The following ZCCHC14 variants were observed in gnomAD, a reference collection of about 807,000 sequenced individuals.
ZCCHC14 encodes the protein zinc finger CCHC-type containing 14, also known as zinc finger CCHC domain-containing protein 14.
ZCCHC14 carries 16 observed loss-of-function variants against 85.0 expected under a neutral mutation model. The observed-to-expected ratio is 0.19, with a 90% CI of 0.13 to 0.29. ZCCHC14 has a LOEUF of 0.29. Among genes scored for constraint, ZCCHC14 ranks in the 10% least tolerant of loss-of-function variants. The probability of loss-of-function intolerance (pLI) is 1.00; values close to 1 mark genes in which losing one functional copy is unlikely to be tolerated. For missense variants in ZCCHC14, 1,303 were observed against 1,443.5 expected (o/e 0.90, Z 1.58); for synonymous variants, 775 against 630.7 (o/e 1.23, Z -3.43).
intron 2 of ZCCHC14, among the ~76,000 whole-genome samples, chr16:87,453,772 C>T (rs1275607386): frequency 6.6e-6 from 1 of 152,220 alleles, no homozygotes; most frequent in Non-Finnish European, 1.5e-5. Context: ...TAGAATTAGA[C>T]ATTCATAAAA....
intron 1 of ZCCHC14, among the ~76,000 whole-genome samples, chr16:87,486,531 T>A (rs1912519244): frequency 1.3e-5 from 2 of 152,234 alleles, no homozygotes; most frequent in African/African-American, 4.8e-5. Flanking sequence ...CAAGATCAGC[T>A]GAGGACGCTT....
chr16:87,464,523 G>A (rs1303425571), intron 1 of ZCCHC14, among the ~76,000 whole-genome samples: 1 of 152,184 alleles, frequency 6.6e-6, no homozygotes, highest in African/African-American at 2.4e-5. Flanking sequence ...GCTAAAGGCT[G>A]TAGGTCCGTC....
intron 1 of ZCCHC14, among the ~76,000 whole-genome samples, chr16:87,484,370 T>C (rs113689807): frequency 0.016 from 2,460 of 152,274 alleles, 30 homozygotes; most frequent in Non-Finnish European, 0.025. Context: ...ACTGAAGAGA[T>C]TGCTGAATAC....
Position 87,492,807 on chromosome 16 carries a change from A to C in ZCCHC14, c.-569T>G, listed in dbSNP as rs1329527983. On this transcript the variant is annotated 5_prime_UTR_variant, in exon 1 of 13. Transcript: ENST00000671377. The surrounding 1 kb of genome is among the most constrained non-coding windows in gnomAD (Gnocchi z 6.7). Reference sequence around the variant, plus strand: ...GCTGGGGGCCGCGGCCGCGAAACGGACGCTGGAGGGGGAGGGACGCGCGGC... The same window carrying C: ...GCTGGGGGCCGCGGCCGCGAAACGGCCGCTGGAGGGGGAGGGACGCGCGGC... The C allele has an allele frequency of 6.8e-6, 1 of 146,696 alleles. No homozygotes were observed. The highest frequency in any genetic ancestry group is 1.5e-5 in the Non-Finnish European group (1 of 65,938). The allele number at this position is 146,696 out of a possible 1,614,324, so 9.1% of individuals were successfully genotyped here.
intron 1 of ZCCHC14, among the ~76,000 whole-genome samples, chr16:87,462,110 T>A (rs1195043950): frequency 9.6e-5 from 10 of 104,550 alleles, no homozygotes; most frequent in Admixed American, 9.3e-5. Context: ...TATTTAAATT[T>A]CTAAAAAAGT....
At position 87,424,914 on chromosome 16, in the gene ZCCHC14, A is replaced by G. The variant is rs911641754; in HGVS notation, c.769-1033T>C. Among the ~76,000 whole-genome samples, 6 of 152,236 alleles carry G rather than the reference A, an allele frequency of 3.9e-5. No individual in the cohort carries two copies. The East Asian group carries it at 9.7e-4, about 25-fold the overall frequency. On this transcript the variant is annotated intron_variant, in intron 3 of 12. Transcript: ENST00000671377. ...TTTCAAGTCGGCAAATAAAATGACC[A>G]AATACATTATGCAAAAGAAAACGCT...
intron 1 of ZCCHC14, chr16:87,474,103 C>G (rs550474728): frequency 9.2e-5 from 14 of 152,464 alleles, no homozygotes; most frequent in Non-Finnish European, 1.6e-4. Context: ...GCAGCTATGA[C>G]CAGACCCTCA....
intron 3 of ZCCHC14, among the ~76,000 whole-genome samples, chr16:87,425,458 C>T (rs966030469): frequency 1.3e-5 from 2 of 152,162 alleles, no homozygotes; most frequent in African/African-American, 4.8e-5. Context: ...CGCCTGTAAT[C>T]CTAGCTACTT....
rs1257508415 is a variant in ZCCHC14, at chr16:87,418,040, G to A, written c.1101-298C>T. Reference sequence around the variant, plus strand: ...CTTCGGAGTATGCGTCTACTTGTGTGTACGTATGTGTATTATGTATGTGTA... The same window carrying A: ...CTTCGGAGTATGCGTCTACTTGTGTATACGTATGTGTATTATGTATGTGTA... On this transcript the variant is annotated intron_variant, in intron 7 of 12. Coordinates refer to ENST00000671377, the MANE Select transcript of ZCCHC14 (RefSeq NM_015144.3). 7.1e-6 allele frequency: 3 copies of A among 422,034 alleles called. No individual in the cohort carries two copies. The Admixed American group carries it at 1.2e-4, about 16-fold the overall frequency. The allele number at this position is 422,034 out of a possible 1,614,324, so 26.1% of individuals were successfully genotyped here. A position where few individuals can be genotyped will look rare whatever the true frequency, so the allele number is the denominator to read the frequency against.
At chr16:87,479,955 A>T (rs1446665879) in intron 1 of ZCCHC14, among the ~76,000 whole-genome samples, 5 of 150,312 alleles carry the variant, frequency 3.3e-5, no homozygotes, top group African/African-American at 1.2e-4. Context: ...TTTTTTTTTT[A>T]AATAGAGATG....
rs1419811801 is a variant in ZCCHC14, at chr16:87,492,860, C to A, written c.-622G>T. 2.7e-5 allele frequency among the ~76,000 whole-genome samples: 4 copies of A among 148,328 alleles called. No homozygotes were observed. The highest frequency in any genetic ancestry group is 4.5e-5 in the Non-Finnish European group (3 of 66,544). On this transcript the variant is annotated 5_prime_UTR_variant, in exon 1 of 13. Transcript: ENST00000671377. This position sits in a 1 kb window ranked among gnomAD's most constrained non-coding sequence, Gnocchi z 6.7. Reference sequence around the variant, plus strand: ...GAGGCGCGGAGGGATCCGGCCGGGACTTGCCGGCCTTGCTGCTCCCGCGCG... The same window carrying A: ...GAGGCGCGGAGGGATCCGGCCGGGAATTGCCGGCCTTGCTGCTCCCGCGCG...
At chr16:87,419,156 T>G (rs531417995) in intron 6 of ZCCHC14, among the ~76,000 whole-genome samples, 10 of 133,640 alleles carry the variant, frequency 7.5e-5, no homozygotes, top group Admixed American at 3.8e-4. Context: ...GGAGATGGAG[T>G]CTTGCTCTGT....
chr16:87,410,449 T>C (rs1458543789), intron 12 of ZCCHC14, 114 bp from the exon 13 acceptor site: 2 of 562,994 alleles, frequency 3.6e-6, no homozygotes, highest in East Asian at 3.0e-5. Flanking sequence ...GCTGGAAATC[T>C]AGGCCACCCA....
intron 6 of ZCCHC14, 78 bp from the exon 7 acceptor site, chr16:87,418,979 G>A (rs1476972745): frequency 2.2e-6 from 3 of 1,334,694 alleles, no homozygotes; most frequent in Admixed American, 4.1e-5. Context: ...TTTTTGAGAC[G>A]GTGTTTTGCT....
chr16:87,419,075 G>A (rs1434520388), intron 6 of ZCCHC14, among the ~76,000 whole-genome samples, 174 bp from the exon 7 acceptor site: 1 of 152,038 alleles, frequency 6.6e-6, no homozygotes, highest in Non-Finnish European at 1.5e-5. Flanking sequence ...TCCTGCCTCA[G>A]CCTCCCGAGT....
intron 4 of ZCCHC14, among the ~76,000 whole-genome samples, chr16:87,422,287 C>T (rs564389976): frequency 2.2e-4 from 33 of 152,276 alleles, no homozygotes; most frequent in African/African-American, 7.7e-4. Flanking sequence ...GCACAGGAAC[C>T]ACCCAGACGT....
At chr16:87,462,015 C>T (rs971599270) in intron 1 of ZCCHC14, among the ~76,000 whole-genome samples, 1 of 152,054 alleles carries the variant, frequency 6.6e-6, no homozygotes, top group Admixed American at 6.6e-5. Context: ...TGGCTATAAT[C>T]CCAGCACTTT....
intron 1 of ZCCHC14, chr16:87,467,351 C>A: frequency 6.3e-7 from 1 of 1,596,610 alleles, no homozygotes; most frequent in East Asian, 2.2e-5. Context: ...TCATCCAACT[C>A]TGCACCCCTG....
chr16:87,483,193 C>T (rs1287599721), intron 1 of ZCCHC14, among the ~76,000 whole-genome samples: 1 of 151,426 alleles, frequency 6.6e-6, no homozygotes, highest in African/African-American at 2.4e-5. Context: ...CGCAGTGGCT[C>T]ACACCTGGAA....
Sources: allele counts gnomAD v4.1 joint callset (sites outside exome capture counted in the v4.1 genomes callset), GRCh38; gene constraint gnomAD v4.1.1; non-coding constraint Gnocchi (gnomAD v3.1); transcripts MANE v1.5; gene names NCBI Gene and HGNC (gene_info 2026-07-23, HGNC 2026-07-21).